The following MAGI2 variants were observed in gnomAD, a reference collection of about 807,000 sequenced individuals.
The protein encoded by MAGI2 is membrane associated guanylate kinase, WW and PDZ domain containing 2.
Under a neutral mutation model 133.3 loss-of-function variants are expected in MAGI2, and 35 were observed. The ratio of observed to expected loss-of-function variants is 0.26; its 90% confidence interval spans 0.20 to 0.35. The LOEUF (loss-of-function observed/expected upper bound fraction) is 0.35, where lower values mean the gene tolerates loss of function less well. Among genes scored for constraint, MAGI2 ranks in the 10% least tolerant of loss-of-function variants. MAGI2 has a pLI of 1.00. For missense variants in MAGI2, 1,636 were observed against 1,863.4 expected, an observed-to-expected ratio of 0.88 and a Z score of 2.25; for synonymous variants, 729 against 710.6, an observed-to-expected ratio of 1.03 and a Z score of -0.41.
chr7:78,069,782 A>T (rs1222571436), intron 21 of MAGI2, among the ~76,000 whole-genome samples: 2 of 151,980 alleles, frequency 1.3e-5, no homozygotes, highest in African/African-American at 2.4e-5. Flanking sequence ...GTTTCCACTG[A>T]GACAGCTGCC....
intron 9 of MAGI2, among the ~76,000 whole-genome samples, chr7:78,260,818 T>C (rs1359799639): frequency 6.6e-6 from 1 of 152,098 alleles, no homozygotes; most frequent in Non-Finnish European, 1.5e-5. Context: ...TAGAGTGAGT[T>C]TGATGAAGCA....
At chr7:78,454,164 A>G (rs1789046105) in intron 6 of MAGI2, among the ~76,000 whole-genome samples, 2 of 152,056 alleles carry the variant, frequency 1.3e-5, no homozygotes, top group African/African-American at 4.8e-5. Context: ...TAATGTGATT[A>G]CTCCATCGCA....
chr7:78,626,654 T>A (rs1326685102), intron 3 of MAGI2, among the ~76,000 whole-genome samples: 1 of 152,136 alleles, frequency 6.6e-6, no homozygotes, highest in Non-Finnish European at 1.5e-5. Flanking sequence ...CATAATTTCG[T>A]GTAGGAGGAA....
intron 1 of MAGI2, among the ~76,000 whole-genome samples, chr7:79,230,447 G>T (rs1172021885): frequency 6.6e-6 from 1 of 151,478 alleles, no homozygotes; most frequent in Non-Finnish European, 1.5e-5. Flanking sequence ...ATCCTCTCCA[G>T]CACCTGTTGT....
rs373379529 is a variant in MAGI2 at position 78,245,442 on chromosome 7, AC to A, written c.2047+10500del. ...AAAGGGGCAAGATGGCCAACTAGAAACCCTTAGCACTTGTCCCTACCCCACA... is the reference window on the plus strand; with the variant it reads ...AAAGGGGCAAGATGGCCAACTAGAAACCTTAGCACTTGTCCCTACCCCACA... On this transcript the variant is annotated intron_variant, in intron 10 of 21. Transcript: ENST00000354212. Among the ~76,000 whole-genome samples the A allele has an allele frequency of 3.7e-3, 561 of 152,266 alleles. 1 individual carries two copies. The highest frequency in any genetic ancestry group is 0.013 in the African/African-American group (548 of 41,546).
chr7:78,733,682 G>A (rs1821582339), intron 2 of MAGI2, among the ~76,000 whole-genome samples: 2 of 152,068 alleles, frequency 1.3e-5, no homozygotes, highest in African/African-American at 2.4e-5. Flanking sequence ...ATAATGTTGT[G>A]TTATACTTGT....
chr7:79,340,410 C>A (rs993202594), intron 1 of MAGI2, among the ~76,000 whole-genome samples: 1 of 152,004 alleles, frequency 6.6e-6, no homozygotes, highest in Non-Finnish European at 1.5e-5. Context: ...AATTCTATTT[C>A]CTCCCACTGT....
intron 2 of MAGI2, among the ~76,000 whole-genome samples, chr7:78,852,010 T>C (rs1793176026): frequency 6.6e-6 from 1 of 152,160 alleles, no homozygotes; most frequent in Non-Finnish European, 1.5e-5. Flanking sequence ...TCACTAGTAG[T>C]ATATGAATGC....
intron 2 of MAGI2, among the ~76,000 whole-genome samples, chr7:78,840,541 G>C (rs1792043190): frequency 6.6e-6 from 1 of 152,028 alleles, no homozygotes; most frequent in Non-Finnish European, 1.5e-5. Context: ...GGAGTCCAGA[G>C]TATGATTCAA....
intron 2 of MAGI2, among the ~76,000 whole-genome samples, chr7:78,912,013 G>A: frequency 6.6e-6 from 1 of 152,066 alleles, no homozygotes; most frequent in Admixed American, 6.6e-5. Context: ...AACTAATGCA[G>A]CAAACCAAAA....
chr7:78,633,632 G>A (rs1047458512), intron 2 of MAGI2, among the ~76,000 whole-genome samples: 9 of 147,736 alleles, frequency 6.1e-5, no homozygotes, highest in African/African-American at 2.0e-4. Context: ...CGTGAACCCG[G>A]AAGGCGGAGC....
intron 1 of MAGI2, among the ~76,000 whole-genome samples, chr7:79,200,429 C>T (rs919258607): frequency 2.0e-5 from 3 of 147,374 alleles, no homozygotes; most frequent in African/African-American, 5.3e-5. Flanking sequence ...ATGGCGAAAC[C>T]CCGTCTCTAC....
chr7:79,081,721 G>T (rs186706648), intron 1 of MAGI2, among the ~76,000 whole-genome samples: 1 of 152,154 alleles, frequency 6.6e-6, no homozygotes, highest in Non-Finnish European at 1.5e-5. Context: ...CCTGTCCCCA[G>T]TATCAAGAGG....
chr7:78,681,232 C>A (rs543869022), intron 2 of MAGI2, among the ~76,000 whole-genome samples: 1 of 151,812 alleles, frequency 6.6e-6, no homozygotes, highest in Non-Finnish European at 1.5e-5. Context: ...GGGTCAATAA[C>A]CCCGAGATGT....
chr7:78,615,144 C>A (rs1438508159), intron 3 of MAGI2: 1 of 152,176 alleles, frequency 6.6e-6, no homozygotes, highest in Non-Finnish European at 1.5e-5. Flanking sequence ...ATCTCCCTAA[C>A]CTGCATACAC....
chr7:78,567,201 G>A (rs1293953115), intron 3 of MAGI2, among the ~76,000 whole-genome samples: 2 of 152,178 alleles, frequency 1.3e-5, no homozygotes, highest in African/African-American at 4.8e-5. Flanking sequence ...TTTAATTGCT[G>A]TACTTTTCTT....
chr7:79,379,036 G>T (rs1488622968), intron 1 of MAGI2, among the ~76,000 whole-genome samples: 1 of 147,468 alleles, frequency 6.8e-6, no homozygotes, highest in Admixed American at 6.9e-5. Context: ...ATGTATACAC[G>T]TGCCATGTTG....
At chr7:79,332,224 G>A (rs1024205217) in intron 1 of MAGI2, among the ~76,000 whole-genome samples, 13 of 152,208 alleles carry the variant, frequency 8.5e-5, no homozygotes, top group African/African-American at 2.9e-4. Flanking sequence ...TGAAAAGCTT[G>A]TCACTTAAGG....
intron 1 of MAGI2, among the ~76,000 whole-genome samples, chr7:79,094,178 T>C (rs1817324346): frequency 6.6e-6 from 1 of 152,218 alleles, no homozygotes; most frequent in Non-Finnish European, 1.5e-5. Flanking sequence ...AACTAAGTTT[T>C]TGAAATATTC....
Sources: allele counts gnomAD v4.1 joint callset (sites outside exome capture counted in the v4.1 genomes callset), GRCh38; gene constraint gnomAD v4.1.1; transcripts MANE v1.5; gene names NCBI Gene and HGNC (gene_info 2026-07-23, HGNC 2026-07-21).